CSMD1: variants seen among roughly 807,000 people sequenced by gnomAD.
The protein encoded by CSMD1 is CUB and Sushi multiple domains 1.
A neutral mutation model predicts 417.5 loss-of-function variants in CSMD1; 213 were observed. The observed-to-expected ratio is 0.51, with a 90% CI of 0.46 to 0.57. The LOEUF (loss-of-function observed/expected upper bound fraction) is 0.57, where lower values mean the gene tolerates loss of function less well. Ranked by LOEUF, CSMD1 falls within the 20% of genes least tolerant of loss-of-function variation. CSMD1 has a pLI of 0.00. For synonymous variants in CSMD1, 2,862 were observed against 1,736.8 expected (o/e 1.65, Z -16.11); for missense variants, 6,923 against 4,529.7 (o/e 1.53, Z -15.17).
chr8:3,829,336 G>C (rs867505095), intron 5 of CSMD1, among the ~76,000 whole-genome samples: 5 of 152,096 alleles, frequency 3.3e-5, no homozygotes, highest in Non-Finnish European at 7.4e-5. Context: ...TCCATAACCA[G>C]GTCTTTCTGG....
At chr8:4,576,870 A>T (rs9314533) in intron 2 of CSMD1, among the ~76,000 whole-genome samples, 17,196 of 152,268 alleles carry the variant, frequency 0.11, 1,184 homozygotes, top group Admixed American at 0.18. Context: ...CTTTAGTCAC[A>T]TACTTCAGTT....
intron 3 of CSMD1, among the ~76,000 whole-genome samples, chr8:4,186,037 G>A (rs532581622): frequency 2.6e-5 from 4 of 152,302 alleles, no homozygotes; most frequent in East Asian, 3.9e-4. Context: ...GGTACATAGT[G>A]CCTGGGTGGG....
intron 2 of CSMD1, among the ~76,000 whole-genome samples, chr8:4,424,677 G>C (rs1397426039): frequency 6.6e-6 from 1 of 151,996 alleles, no homozygotes; most frequent in South Asian, 2.1e-4. Context: ...CTTTAAAAAC[G>C]AAACACGTAA....
intron 1 of CSMD1, among the ~76,000 whole-genome samples, chr8:4,925,827 G>A (rs1345515961): frequency 6.6e-6 from 1 of 152,160 alleles, no homozygotes; most frequent in African/African-American, 2.4e-5. Context: ...GATTACAGGC[G>A]TGAGCCCTCG....
intron 2 of CSMD1, among the ~76,000 whole-genome samples, chr8:4,468,211 C>T (rs1440733165): frequency 1.3e-5 from 2 of 152,130 alleles, no homozygotes; most frequent in African/African-American, 2.4e-5. Flanking sequence ...AGCAGCAGTG[C>T]CTGGGGCATG....
chr8:4,378,298 CTATT>C (rs1310077360), intron 3 of CSMD1, among the ~76,000 whole-genome samples: 3 of 152,164 alleles, frequency 2.0e-5, no homozygotes, highest in Non-Finnish European at 4.4e-5. Flanking sequence ...TGCAAAGTAA[CTATT>C]AAATTGTTAT....
chr8:4,234,146 A>G (rs1313269277), intron 3 of CSMD1, among the ~76,000 whole-genome samples: 1 of 152,216 alleles, frequency 6.6e-6, no homozygotes, highest in East Asian at 1.9e-4. Flanking sequence ...TATTCTTCAT[A>G]GGACTGAGCA....
At chr8:4,261,626 T>G (rs1369075158) in intron 3 of CSMD1, among the ~76,000 whole-genome samples, 1 of 152,108 alleles carries the variant, frequency 6.6e-6, no homozygotes, top group Admixed American at 6.6e-5. Context: ...CGCAGGCTAG[T>G]GTTGAACTCC....
chr8:3,529,310 C>G (rs974613976), intron 10 of CSMD1, among the ~76,000 whole-genome samples: 4 of 152,130 alleles, frequency 2.6e-5, no homozygotes, highest in African/African-American at 9.7e-5. Flanking sequence ...AAATAAGCAG[C>G]TTTGAAGTTG....
chr8:4,820,677 T>C (rs1335845561), intron 1 of CSMD1, among the ~76,000 whole-genome samples: 1 of 152,204 alleles, frequency 6.6e-6, no homozygotes, highest in Non-Finnish European at 1.5e-5. Flanking sequence ...ATCATTCAAA[T>C]GGCTGTATCA....
chr8:3,198,603 GCAT>G (rs1796828735), intron 33 of CSMD1, among the ~76,000 whole-genome samples: 1 of 152,142 alleles, frequency 6.6e-6, no homozygotes, highest in Admixed American at 6.5e-5. Flanking sequence ...TAACTGTTAA[GCAT>G]CATCCTCATT....
intron 3 of CSMD1, among the ~76,000 whole-genome samples, chr8:4,074,488 A>T (rs559044438): frequency 7.4e-4 from 112 of 152,230 alleles, no homozygotes; most frequent in African/African-American, 2.6e-3. Flanking sequence ...CAATTATGAA[A>T]ATCTAAAGTT....
chr8:4,026,348 AG>A (rs1367433622), intron 4 of CSMD1, among the ~76,000 whole-genome samples: 1 of 152,358 alleles, frequency 6.6e-6, no homozygotes, highest in African/African-American at 2.4e-5. Flanking sequence ...ATAATACAGA[AG>A]AACAAAGTTT....
intron 3 of CSMD1, among the ~76,000 whole-genome samples, chr8:4,198,638 C>T (rs1318342502): frequency 6.6e-6 from 1 of 152,058 alleles, no homozygotes; most frequent in Admixed American, 6.6e-5. Flanking sequence ...TGGATAATGT[C>T]CCATTATCAA....
chr8:4,501,810 T>G lies in CSMD1; in HGVS notation c.303-81745A>C, dbSNP rs373984522. ...TTGACTTTATAACATGCAAGCGTAG[T>G]GGGCCTTATTTATAAATGAACCTTT... On this transcript the variant is annotated intron_variant, in intron 2 of 69. Transcript: ENST00000635120. Among the ~76,000 whole-genome samples the G allele has an allele frequency of 2.6e-5, 4 of 152,222 alleles. No homozygotes were observed. The South Asian group carries it at 8.3e-4, about 32-fold the overall frequency.
chr8:4,345,549 A>G (rs1409916637), intron 3 of CSMD1, among the ~76,000 whole-genome samples: 1 of 152,120 alleles, frequency 6.6e-6, no homozygotes, highest in South Asian at 2.1e-4. Flanking sequence ...AAATATATGC[A>G]AATCACTCAT....
At chr8:3,915,305 C>A (rs138069139) in intron 5 of CSMD1, among the ~76,000 whole-genome samples, 1 of 147,800 alleles carries the variant, frequency 6.8e-6, no homozygotes, top group Non-Finnish European at 1.5e-5. Flanking sequence ...ATTCAGGAGT[C>A]TAAGGCAGGA....
At chr8:4,726,858 A>T (rs1045547156) in intron 1 of CSMD1, among the ~76,000 whole-genome samples, 25 of 152,244 alleles carry the variant, frequency 1.6e-4, no homozygotes, top group Non-Finnish European at 1.9e-4. Flanking sequence ...GAAAAGCTGA[A>T]ATAGTATTGA....
At chr8:4,729,239 T>G (rs1042646022) in intron 1 of CSMD1, among the ~76,000 whole-genome samples, 1 of 152,144 alleles carries the variant, frequency 6.6e-6, no homozygotes, top group Admixed American at 6.6e-5. Flanking sequence ...CAGAAAATTA[T>G]GCTGACGAGG....
Sources: gnomAD v4.1 joint callset for allele counts (sites outside exome capture counted in the v4.1 genomes callset) on GRCh38, gnomAD v4.1.1 for gene constraint, MANE v1.5 for transcripts, NCBI Gene and HGNC (gene_info 2026-07-23, HGNC 2026-07-21) for gene names.